The following PEX13 variants were observed in gnomAD, a reference collection of about 807,000 sequenced individuals.
PEX13 encodes the protein peroxisome biogenesis factor 13.
A neutral mutation model predicts 34.5 loss-of-function variants in PEX13; 28 were observed. The observed-to-expected ratio is 0.81, with a 90% CI of 0.60 to 1.11. PEX13 has a LOEUF of 1.11. Among genes scored for constraint, PEX13 ranks in the 50% most tolerant of loss-of-function variants. The pLI is 0.00. For synonymous variants in PEX13, 177 were observed against 175.1 expected (o/e 1.01, Z -0.09); for missense variants, 550 against 491.0 (o/e 1.12, Z -1.13).
intron 1 of PEX13, among the ~76,000 whole-genome samples, chr2:61,030,991 T>G (rs1246058218): frequency 6.6e-6 from 1 of 152,092 alleles, no homozygotes; most frequent in Non-Finnish European, 1.5e-5. Context: ...CTATTAAATT[T>G]TAAACTTTAA....
intron 3 of PEX13, among the ~76,000 whole-genome samples, chr2:61,047,067 C>T (rs950560563): frequency 4.0e-5 from 6 of 151,844 alleles, no homozygotes; most frequent in African/African-American, 1.5e-4. Context: ...AGCACCACTG[C>T]ACTCCAGCCT....
chr2:61,025,264 T>G (rs2104798616), intron 1 of PEX13, among the ~76,000 whole-genome samples: 1 of 151,842 alleles, frequency 6.6e-6, no homozygotes, highest in South Asian at 2.1e-4. Flanking sequence ...AGAGACGGGG[T>G]TTCACCATCT....
chr2:61,036,775 A>G (rs1232969647), intron 2 of PEX13, among the ~76,000 whole-genome samples: 6 of 152,236 alleles, frequency 3.9e-5, no homozygotes, highest in Non-Finnish European at 8.8e-5. Context: ...ATTCACACAT[A>G]ACAATGTTAA....
chr2:61,048,717 G>T lies in PEX13; in HGVS notation c.1159G>T (p.Val387Phe). The T allele has an allele frequency of 6.2e-7, 1 of 1,613,910 alleles. No individual in the cohort carries two copies. Among genetic ancestry groups the T allele is most frequent in the Non-Finnish European group, 8.5e-7 (1 of 1,179,842 alleles). The change falls in exon 4 of 4, where the codon GTT (valine) becomes TTT (phenylalanine). Residue 387 changes from valine to phenylalanine, a missense_variant. Val to Phe is a conservative substitution (Grantham distance 50). Coordinates refer to ENST00000295030, the MANE Select transcript of PEX13 (RefSeq NM_002618.4). ...ATCTGTTTTTGTTGAAACTAATAAG[G>T]TTCCAGTTGCACCTGATTCCATTGG... ...FESVFVETNK[V>F]PVAPDSIGKD...
intron 2 of PEX13, among the ~76,000 whole-genome samples, chr2:61,032,692 G>A (rs920161930): frequency 2.0e-5 from 3 of 152,180 alleles, no homozygotes; most frequent in African/African-American, 7.2e-5. Context: ...ATGTTAAGCT[G>A]TATTCTCTCA....
intron 1 of PEX13, among the ~76,000 whole-genome samples, chr2:61,022,066 G>C (rs1030091295): frequency 6.6e-6 from 1 of 152,190 alleles, no homozygotes; most frequent in Admixed American, 6.5e-5. Flanking sequence ...CCACAAAGAT[G>C]GGGAGAAACC....
intron 1 of PEX13, chr2:61,018,271 C>A: frequency 6.4e-7 from 1 of 1,550,884 alleles, no homozygotes; most frequent in South Asian, 1.2e-5. Flanking sequence ...AAGGTGTTAA[C>A]CTCTCGAGAA....
intron 1 of PEX13, chr2:61,018,295 G>A: frequency 6.5e-7 from 1 of 1,550,058 alleles, no homozygotes; most frequent in Non-Finnish European, 8.7e-7. Context: ...GCTGAAAGCC[G>A]GAAAGGTTTT....
At position 61,020,018 on chromosome 2, in the gene PEX13, T is replaced by G. The variant is rs531812136; in HGVS notation, c.92+2167T>G. Among the ~76,000 whole-genome samples the G allele has an allele frequency of 2.2e-4, 34 of 152,266 alleles. 1 individual carries two copies. In the South Asian group the frequency reaches 4.8e-3, roughly 21 times the overall value. Reference sequence around the variant, plus strand: ...GCGGGCAGATCACGAGGTCAGGAGATCGAGACCATCCTGGCTAACTCGGAG... The same window carrying G: ...GCGGGCAGATCACGAGGTCAGGAGAGCGAGACCATCCTGGCTAACTCGGAG... On this transcript the variant is annotated intron_variant, in intron 1 of 3. Coordinates refer to ENST00000295030, the MANE Select transcript of PEX13 (RefSeq NM_002618.4).
intron 1 of PEX13, among the ~76,000 whole-genome samples, chr2:61,027,613 T>C (rs1680381859): frequency 6.6e-6 from 1 of 152,240 alleles, no homozygotes; most frequent in Non-Finnish European, 1.5e-5. Context: ...TTTTGTTACT[T>C]CATTGAAGCC....
chr2:61,034,938 C>T (rs1024671168), intron 2 of PEX13, among the ~76,000 whole-genome samples: 2 of 152,218 alleles, frequency 1.3e-5, no homozygotes, highest in Non-Finnish European at 1.5e-5. Context: ...CTTAAACGTC[C>T]CTGTCTGACA....
intron 3 of PEX13, among the ~76,000 whole-genome samples, chr2:61,046,553 C>A (rs946426085): frequency 2.0e-5 from 3 of 152,060 alleles, no homozygotes; most frequent in African/African-American, 7.2e-5. Flanking sequence ...TGAGTACTTA[C>A]TATGTACAAG....
intron 2 of PEX13, among the ~76,000 whole-genome samples, chr2:61,043,239 G>A (rs1378373803): frequency 2.0e-5 from 3 of 150,156 alleles, no homozygotes; most frequent in Non-Finnish European, 4.4e-5. Context: ...GCTCATGCCT[G>A]TAATCCTGGC....
At chr2:61,039,044 G>C (rs1444729445) in intron 2 of PEX13, among the ~76,000 whole-genome samples, 2 of 152,160 alleles carry the variant, frequency 1.3e-5, no homozygotes, top group Non-Finnish European at 1.5e-5. Context: ...CAAGGGATGT[G>C]AAGGACCTCT....
intron 2 of PEX13, among the ~76,000 whole-genome samples, chr2:61,034,817 G>A (rs983625812): frequency 6.6e-6 from 1 of 152,252 alleles, no homozygotes; most frequent in African/African-American, 2.4e-5. Context: ...TAGCCCAGAA[G>A]CTCGAACTGG....
At chr2:61,018,469 A>ATT in intron 1 of PEX13, 3 of 654,440 alleles carry the variant, frequency 4.6e-6, no homozygotes, top group Non-Finnish European at 6.9e-6. Context: ...TGAGGCCTGT[A>ATT]TTTTTTTTTT....
chr2:61,032,010 T>C lies in PEX13; in HGVS notation c.684T>C (p.Ala228=). The change falls in exon 2 of 4, where the codon GCT becomes GCC. Residue 228 remains alanine, a synonymous_variant. Transcript: ENST00000295030. ...GCCTTGGTGCTGAGGACCGAGCAGC[T>C]ACCTCAGCAAAATCTTGGCCAATAT... ...VACLGAEDRA[A]TSAKSWPIFL... The C allele has an allele frequency of 1.2e-6, 2 of 1,613,208 alleles. No individual in the cohort carries two copies. Among genetic ancestry groups the C allele is most frequent in the Non-Finnish European group, 8.5e-7 (1 of 1,179,220 alleles).
chr2:61,042,004 A>G (rs1680633060), intron 2 of PEX13, among the ~76,000 whole-genome samples: 1 of 152,250 alleles, frequency 6.6e-6, no homozygotes, highest in Non-Finnish European at 1.5e-5. Context: ...TTTAGCTCTT[A>G]GAGCAGGGGT....
intron 2 of PEX13, among the ~76,000 whole-genome samples, chr2:61,044,582 C>T (rs781253259): frequency 5.3e-5 from 8 of 152,120 alleles, no homozygotes; most frequent in Non-Finnish European, 1.2e-4. Context: ...AATGGAGTTT[C>T]TCCATGTTGG....
Sources: allele counts gnomAD v4.1 joint callset (sites outside exome capture counted in the v4.1 genomes callset), GRCh38; gene constraint gnomAD v4.1.1; transcripts MANE v1.5; gene names NCBI Gene and HGNC (gene_info 2026-07-23, HGNC 2026-07-21).